CHST9: variants seen among roughly 807,000 people sequenced by gnomAD.
The protein encoded by CHST9 is GalNAc-4-sulfotransferase 2.
CHST9 carries 41 observed loss-of-function variants against 44.4 expected under a neutral mutation model. The observed-to-expected ratio is 0.92, with a 90% confidence interval of 0.72 to 1.20. The LOEUF (loss-of-function observed/expected upper bound fraction) is 1.20. Ranked by LOEUF, CHST9 falls within the 50% of genes most tolerant of loss-of-function variation. The probability of loss-of-function intolerance (pLI) is 0.00; values close to 1 mark genes in which losing one functional copy is unlikely to be tolerated. For synonymous variants in CHST9, 171 were observed against 178.4 expected, an observed-to-expected ratio of 0.96 and a Z score of 0.33; for missense variants, 504 against 516.5, an observed-to-expected ratio of 0.98 and a Z score of 0.23.
At chr18:26,978,577 CAT>C (rs777904762) in intron 4 of CHST9, among the ~76,000 whole-genome samples, 3 of 152,112 alleles carry the variant, frequency 2.0e-5, no homozygotes, top group Non-Finnish European at 4.4e-5. Flanking sequence ...AAGTGTCTAT[CAT>C]GTGAGTTTTG....
intron 4 of CHST9, among the ~76,000 whole-genome samples, chr18:26,988,742 T>G (rs2056782935): frequency 6.6e-6 from 1 of 152,154 alleles, no homozygotes; most frequent in Non-Finnish European, 1.5e-5. Context: ...ATACACACTT[T>G]TCAAGTGCAC....
intron 2 of CHST9, among the ~76,000 whole-genome samples, chr18:27,126,810 T>C (rs1314505493): frequency 6.6e-6 from 1 of 152,010 alleles, no homozygotes; most frequent in Non-Finnish European, 1.5e-5. Flanking sequence ...GGTCACGGGA[T>C]GGGGAGGAAG....
In CHST9 at chr18:27,184,017, T is replaced by C. The variant is rs2058934784; in HGVS notation, c.-97+1119A>G. Among the ~76,000 whole-genome samples, 3 of 152,172 alleles carry C rather than the reference T, an allele frequency of 2.0e-5. No individual in the cohort carries two copies. In the South Asian group the frequency reaches 6.2e-4, roughly 32 times the overall value. On this transcript the variant is annotated intron_variant, in intron 1 of 5. Transcript: ENST00000618847. ...CCGAGAGGAATAATAACAATGTAAA[T>C]AAAATTGTACAAAGATAGATTAATG...
At chr18:27,057,555 C>T (rs148127216) in intron 2 of CHST9, among the ~76,000 whole-genome samples, 153 of 152,322 alleles carry the variant, frequency 1.0e-3, no homozygotes, top group Middle Eastern at 3.4e-3. Context: ...TTTCTATTTG[C>T]TTAGTTGATA....
At chr18:27,028,180 C>G (rs1220128849) in intron 3 of CHST9, among the ~76,000 whole-genome samples, 2 of 152,172 alleles carry the variant, frequency 1.3e-5, no homozygotes, top group Non-Finnish European at 2.9e-5. Context: ...TCCCAAAGTG[C>G]TGGGATTACA....
chr18:27,109,398 T>C (rs546157395), intron 2 of CHST9, among the ~76,000 whole-genome samples: 6 of 152,344 alleles, frequency 3.9e-5, no homozygotes, highest in Middle Eastern at 3.4e-3. Context: ...GCTTGGGTTA[T>C]TTTAAATTGT....
chr18:27,108,836 T>A (rs889198375), intron 2 of CHST9, among the ~76,000 whole-genome samples: 1 of 152,234 alleles, frequency 6.6e-6, no homozygotes, highest in Non-Finnish European at 1.5e-5. Context: ...TTGTTTTTTG[T>A]TTTTTAATTC....
chr18:27,071,642 G>A (rs1029269620), intron 2 of CHST9, among the ~76,000 whole-genome samples: 1 of 152,040 alleles, frequency 6.6e-6, no homozygotes, highest in African/African-American at 2.4e-5. Flanking sequence ...CAAAAACTTT[G>A]TTGTTTCTTT....
At chr18:27,064,974 T>C (rs895474106) in intron 2 of CHST9, among the ~76,000 whole-genome samples, 3 of 152,212 alleles carry the variant, frequency 2.0e-5, no homozygotes, top group Admixed American at 1.3e-4. Context: ...TTTTGGTGCA[T>C]ACAAATAAGG....
At chr18:26,997,482 A>C (rs1224490549) in intron 4 of CHST9, among the ~76,000 whole-genome samples, 5 of 152,216 alleles carry the variant, frequency 3.3e-5, no homozygotes, top group Admixed American at 3.3e-4. Flanking sequence ...AGAAACCACT[A>C]TGTAGTGATG....
chr18:27,021,333 A>T (rs372426607), intron 4 of CHST9, among the ~76,000 whole-genome samples: 107 of 152,262 alleles, frequency 7.0e-4, no homozygotes, highest in African/African-American at 2.5e-3. Flanking sequence ...CTTACTTGAC[A>T]ACAACAAGTC....
At chr18:27,049,219 G>A (rs1484465456) in intron 2 of CHST9, among the ~76,000 whole-genome samples, 1 of 152,112 alleles carries the variant, frequency 6.6e-6, no homozygotes, top group Non-Finnish European at 1.5e-5. Flanking sequence ...AGTAGTGGAT[G>A]CAAGAGACCG....
chr18:27,041,356 C>T (rs1267980211), intron 3 of CHST9, among the ~76,000 whole-genome samples: 1 of 152,128 alleles, frequency 6.6e-6, no homozygotes, highest in African/African-American at 2.4e-5. Context: ...TTCTCCACTT[C>T]CTCTTCTGGG....
intron 2 of CHST9, among the ~76,000 whole-genome samples, chr18:27,070,981 C>T (rs886092536): frequency 7.2e-5 from 11 of 152,198 alleles, no homozygotes; most frequent in Non-Finnish European, 1.5e-4. Flanking sequence ...CCTGTGGCCT[C>T]TCCGTGGGCC....
rs2145026735 is a variant in CHST9 at position 26,908,607 on chromosome 18, A to C, written c.*7652T>G. 1 of 152,354 alleles carries C rather than the reference A, an allele frequency of 6.6e-6. No homozygotes were observed. Among genetic ancestry groups the C allele is most frequent in the Admixed American group, 6.5e-5 (1 of 15,302 alleles). The allele number at this position is 152,354 out of a possible 1,614,324, so 9.4% of individuals were successfully genotyped here. A position where few individuals can be genotyped will look rare whatever the true frequency, so the allele number is the denominator to read the frequency against. On this transcript the variant is annotated 3_prime_UTR_variant, in exon 6 of 6. Transcript: ENST00000618847. The stretch of plus-strand genomic sequence containing the variant: ...AATAAAAAAGGCAGGACTTCTATTC[A>C]GAGGCTATTTCCAATAGTTCTGAGG...
chr18:26,942,255 A>G (rs2056094490), intron 5 of CHST9, among the ~76,000 whole-genome samples: 1 of 152,196 alleles, frequency 6.6e-6, no homozygotes, highest in South Asian at 2.1e-4. Context: ...TTGCCAGTGT[A>G]TCATTCTTGA....
intron 2 of CHST9, among the ~76,000 whole-genome samples, chr18:27,118,858 A>G (rs569945927): frequency 3.9e-5 from 6 of 152,352 alleles, no homozygotes; most frequent in Admixed American, 1.3e-4. Flanking sequence ...CACCCACCGT[A>G]TGCAAATCAA....
At chr18:27,026,689 T>C (rs2057288739) in intron 3 of CHST9, among the ~76,000 whole-genome samples, 1 of 152,194 alleles carries the variant, frequency 6.6e-6, no homozygotes. Flanking sequence ...TGAATAGCTA[T>C]GCATATTCTT....
chr18:26,964,295 TA>T (rs1346332615), intron 4 of CHST9, among the ~76,000 whole-genome samples: 1 of 152,200 alleles, frequency 6.6e-6, no homozygotes, highest in African/African-American at 2.4e-5. Flanking sequence ...TTGACGACCT[TA>T]ACAAGGTATT....
Sources: allele counts gnomAD v4.1 joint callset (sites outside exome capture counted in the v4.1 genomes callset), GRCh38; gene constraint gnomAD v4.1.1; transcripts MANE v1.5; gene names NCBI Gene and HGNC (gene_info 2026-07-23, HGNC 2026-07-21).